Variants in RSRC1 observed in about 807,000 individuals in gnomAD.
RSRC1 encodes the protein arginine and serine rich coiled-coil 1, also known as serine/Arginine-related protein 53.
RSRC1 carries 39 observed loss-of-function variants against 49.1 expected under a neutral mutation model. The ratio of observed to expected loss-of-function variants is 0.79; its 90% CI spans 0.61 to 1.04. The LOEUF (loss-of-function observed/expected upper bound fraction) is 1.04. Among genes scored for constraint, RSRC1 ranks in the 50% least tolerant of loss-of-function variants. RSRC1 has a pLI of 0.00. For synonymous variants in RSRC1, 143 were observed against 130.8 expected (o/e 1.09, Z -0.63); for missense variants, 388 against 402.4 (o/e 0.96, Z 0.31).
chr3:158,406,930 AAAG>A (rs969844957), intron 6 of RSRC1, among the ~76,000 whole-genome samples: 3 of 152,090 alleles, frequency 2.0e-5, no homozygotes, highest in Non-Finnish European at 4.4e-5. Flanking sequence ...CTGGAGATTT[AAAG>A]AAGATCGATA....
At position 158,516,781 on chromosome 3, in the gene RSRC1, C is replaced by T. The variant is rs549853322; in HGVS notation, c.653-20311C>T. Among the ~76,000 whole-genome samples, 102 of 152,314 alleles carry T rather than the reference C, an allele frequency of 6.7e-4. 1 individual carries two copies. The highest frequency in any genetic ancestry group is 2.2e-3 in the African/African-American group (93 of 41,586). On this transcript the variant is annotated intron_variant, in intron 7 of 9. Coordinates refer to ENST00000611884, the MANE Select transcript of RSRC1 (RefSeq NM_001271838.2). Reference sequence around the variant, plus strand: ...GGCGTAGGGCCCTCCGAGCCAGGTGCGGGATATAATCTCCTGGTGCGCTAT... The same window carrying T: ...GGCGTAGGGCCCTCCGAGCCAGGTGTGGGATATAATCTCCTGGTGCGCTAT...
chr3:158,260,613 C>A (rs1359344624), intron 4 of RSRC1, among the ~76,000 whole-genome samples: 2 of 152,152 alleles, frequency 1.3e-5, no homozygotes, highest in Non-Finnish European at 2.9e-5. Flanking sequence ...TGGCTCTGAG[C>A]CAAGCATAGC....
intron 7 of RSRC1, among the ~76,000 whole-genome samples, chr3:158,467,469 G>A (rs367694332): frequency 5.9e-5 from 9 of 152,134 alleles, no homozygotes; most frequent in African/African-American, 2.4e-5. Flanking sequence ...GTTACATAGT[G>A]CGTATGAAAC....
At chr3:158,455,278 T>C (rs943745198) in intron 6 of RSRC1, among the ~76,000 whole-genome samples, 1 of 152,088 alleles carries the variant, frequency 6.6e-6, no homozygotes, top group African/African-American at 2.4e-5. Flanking sequence ...GGGCTACATA[T>C]AGAAAACAAC....
intron 5 of RSRC1, among the ~76,000 whole-genome samples, chr3:158,304,588 A>C (rs189724450): frequency 3.3e-5 from 5 of 152,304 alleles, no homozygotes; most frequent in African/African-American, 1.2e-4. Flanking sequence ...ATATTATCTC[A>C]AAATGCACTG....
chr3:158,199,263 T>C lies in RSRC1; in HGVS notation c.321-3809T>C, dbSNP rs563597623. Among the ~76,000 whole-genome samples, 13 of 152,254 alleles carry C rather than the reference T, an allele frequency of 8.5e-5. No homozygotes were observed. The East Asian group carries it at 2.5e-3, about 29-fold the overall frequency. ...GAAATGTAGGTCTAATAAACCTCTT[T>C]CTTTTGTAAATTTCCCAGTCTCAGG... On this transcript the variant is annotated intron_variant, in intron 3 of 9. Transcript: ENST00000611884.
intron 7 of RSRC1, among the ~76,000 whole-genome samples, chr3:158,512,855 G>A (rs1740268321): frequency 6.6e-6 from 1 of 150,936 alleles, no homozygotes; most frequent in South Asian, 2.1e-4. Flanking sequence ...GGATTCCTAA[G>A]TATTTTATTC....
intron 1 of RSRC1, chr3:158,110,743 C>T (rs1223628780): frequency 1.3e-5 from 2 of 152,468 alleles, no homozygotes; most frequent in Non-Finnish European, 2.9e-5. Context: ...AGAAGTGGTG[C>T]AGGGTGAAAT....
At chr3:158,411,224 G>A (rs1406974175) in intron 6 of RSRC1, among the ~76,000 whole-genome samples, 2 of 152,060 alleles carry the variant, frequency 1.3e-5, no homozygotes, top group Non-Finnish European at 2.9e-5. Flanking sequence ...GTTGTTGTCA[G>A]TTTGATGCTA....
In RSRC1 at chr3:158,408,329, T is replaced by C. The variant is rs147209285; in HGVS notation, c.584-52606T>C. On this transcript the variant is annotated intron_variant, in intron 6 of 9. Coordinates refer to ENST00000611884, the MANE Select transcript of RSRC1 (RefSeq NM_001271838.2). ...AGAAGTCAAAGAGTAAACATAAGCA[T>C]GATTTATTACTGCTAAATTTAGTCA... Among the ~76,000 whole-genome samples, 326 of 152,314 alleles carry C rather than the reference T, an allele frequency of 2.1e-3. 1 individual carries two copies. Among genetic ancestry groups the C allele is most frequent in the Admixed American group, 0.013 (202 of 15,298 alleles).
intron 4 of RSRC1, among the ~76,000 whole-genome samples, chr3:158,291,861 A>G (rs890820281): frequency 1.3e-5 from 2 of 152,230 alleles, no homozygotes; most frequent in Admixed American, 1.3e-4. Context: ...GATCTAAAAA[A>G]TCTTAGTGTT....
chr3:158,221,882 T>C (rs1427547082), intron 4 of RSRC1, among the ~76,000 whole-genome samples: 1 of 151,546 alleles, frequency 6.6e-6, no homozygotes, highest in Non-Finnish European at 1.5e-5. Flanking sequence ...AACATAAAAA[T>C]GTGGAGAGAT....
intron 5 of RSRC1, among the ~76,000 whole-genome samples, chr3:158,333,423 T>C (rs1174930335): frequency 6.6e-6 from 1 of 152,124 alleles, no homozygotes; most frequent in African/African-American, 2.4e-5. Context: ...TCTAGAAAAA[T>C]CTCTCAGTAC....
rs181005962 is a variant in RSRC1, at chr3:158,373,197, T to A, written c.583+18289T>A. On this transcript the variant is annotated intron_variant, in intron 6 of 9. Coordinates refer to ENST00000611884, the MANE Select transcript of RSRC1 (RefSeq NM_001271838.2). ...ATGTCATATGCAAATAGAGAAAATT[T>A]TATTTTCAAAACTGGATACCTTTCA... 8.9e-4 allele frequency among the ~76,000 whole-genome samples: 135 copies of A among 151,990 alleles called. 1 individual carries two copies. The highest frequency in any genetic ancestry group is 3.1e-3 in the African/African-American group (128 of 41,550).
intron 4 of RSRC1, among the ~76,000 whole-genome samples, chr3:158,289,502 T>TA (rs1726786764): frequency 6.6e-6 from 1 of 152,242 alleles, no homozygotes; most frequent in Non-Finnish European, 1.5e-5. Flanking sequence ...ATGGTAGACT[T>TA]ACCTGTGCAA....
chr3:158,497,485 G>T lies in RSRC1; in HGVS notation c.652+36482G>T, dbSNP rs538201222. Among the ~76,000 whole-genome samples the T allele has an allele frequency of 5.1e-4, 75 of 146,792 alleles. 1 individual carries two copies. Among genetic ancestry groups the T allele is most frequent in the Middle Eastern group, 7.2e-3 (2 of 278 alleles). On this transcript the variant is annotated intron_variant, in intron 7 of 9. Coordinates refer to ENST00000611884, the MANE Select transcript of RSRC1 (RefSeq NM_001271838.2). Reference sequence around the variant, plus strand: ...GGAGTCTCATTCAGCCGCCCAGGTTGGAGTGCAGTGGCTCAATCTCGGCTC... The same window carrying T: ...GGAGTCTCATTCAGCCGCCCAGGTTTGAGTGCAGTGGCTCAATCTCGGCTC...
intron 4 of RSRC1, among the ~76,000 whole-genome samples, chr3:158,283,481 A>G (rs1178209918): frequency 6.6e-6 from 1 of 152,088 alleles, no homozygotes; most frequent in Non-Finnish European, 1.5e-5. Context: ...TATAAAACTT[A>G]CCCTCTTACA....
chr3:158,439,579 C>G (rs186116054), intron 6 of RSRC1, among the ~76,000 whole-genome samples: 1 of 152,196 alleles, frequency 6.6e-6, no homozygotes, highest in African/African-American at 2.4e-5. Flanking sequence ...AAACCAAACA[C>G]CTGATGTTCT....
At chr3:158,318,610 A>G (rs1368454799) in intron 5 of RSRC1, among the ~76,000 whole-genome samples, 1 of 152,116 alleles carries the variant, frequency 6.6e-6, no homozygotes, top group African/African-American at 2.4e-5. Context: ...AAAGGACCAC[A>G]TCACCCCCTC....
Sources: allele counts gnomAD v4.1 joint callset (sites outside exome capture counted in the v4.1 genomes callset), GRCh38; gene constraint gnomAD v4.1.1; transcripts MANE v1.5; gene names NCBI Gene and HGNC (gene_info 2026-07-23, HGNC 2026-07-21).